ADAMTS12: variants seen among roughly 807,000 people sequenced by gnomAD.
ADAMTS12 encodes the protein A disintegrin and metalloproteinase with thrombospondin motifs 12.
ADAMTS12 carries 118 observed loss-of-function variants against 167.8 expected under a neutral mutation model. That is an observed-to-expected ratio of 0.70 (90% CI 0.61 to 0.82). The LOEUF is 0.82. Among genes scored for constraint, ADAMTS12 ranks in the 40% least tolerant of loss-of-function variants. The pLI is 0.00. For synonymous variants in ADAMTS12, 704 were observed against 716.9 expected, an observed-to-expected ratio of 0.98 and a Z score of 0.29; for missense variants, 1,916 against 1,998.8, an observed-to-expected ratio of 0.96 and a Z score of 0.79.
At chr5:33,578,661 C>T (rs930185958) in intron 18 of ADAMTS12, among the ~76,000 whole-genome samples, 1 of 152,210 alleles carries the variant, frequency 6.6e-6, no homozygotes, top group African/African-American at 2.4e-5. Flanking sequence ...TCCTTGCCTT[C>T]TCAAGTTCTA....
At chr5:33,629,492 G>C (rs147856191) in intron 13 of ADAMTS12, among the ~76,000 whole-genome samples, 1 of 152,232 alleles carries the variant, frequency 6.6e-6, no homozygotes, top group African/African-American at 2.4e-5. Flanking sequence ...AATCAAAATG[G>C]AGCAACTAAT....
intron 2 of ADAMTS12, among the ~76,000 whole-genome samples, chr5:33,834,305 A>G (rs777607634): frequency 1.3e-4 from 20 of 152,160 alleles, no homozygotes; most frequent in Non-Finnish European, 2.8e-4. Context: ...CCCAATATAC[A>G]AGAGTGTTTT....
chr5:33,683,846 T>C lies in ADAMTS12; in HGVS notation c.831+13A>G. 3 of 1,467,120 alleles carry C rather than the reference T, an allele frequency of 2.0e-6. No individual in the cohort carries two copies. The highest frequency in any genetic ancestry group is 2.7e-6 in the Non-Finnish European group (3 of 1,100,454). The allele number at this position is 1,467,120 out of a possible 1,614,324, so 90.9% of individuals were successfully genotyped here. On this transcript the variant is annotated intron_variant, in intron 4 of 23. Coordinates refer to ENST00000504830, the MANE Select transcript of ADAMTS12 (RefSeq NM_030955.4). ...TTCACTAGCTGCCCCAGCCCCCATG[T>C]AGTCTGGCATACCATGTTCATGATG...
chr5:33,583,303 T>C (rs888816109), intron 18 of ADAMTS12, among the ~76,000 whole-genome samples: 6 of 152,216 alleles, frequency 3.9e-5, no homozygotes, highest in Non-Finnish European at 7.3e-5. Flanking sequence ...TTTATCCACG[T>C]TGTTGCAAAT....
rs1266515765 is a variant in ADAMTS12 at position 33,805,901 on chromosome 5, G to C, written c.490-54353C>G. On this transcript the variant is annotated intron_variant, in intron 2 of 23. Coordinates refer to ENST00000504830, the MANE Select transcript of ADAMTS12 (RefSeq NM_030955.4). ...AGATTTTGTCTCTGAAAAGAAAAGG[G>C]GGAAAAAAAAGCCACCTCTCATTTA... 2.1e-5 allele frequency among the ~76,000 whole-genome samples: 3 copies of C among 144,582 alleles called. No homozygotes were observed. The Admixed American group carries it at 2.1e-4, about 10-fold the overall frequency. The allele number at this position is 144,582 out of a possible 152,430, so 94.9% of individuals were successfully genotyped here.
Position 33,614,245 on chromosome 5 carries a change from G to T in ADAMTS12, c.2520C>A (p.Cys840Ter), listed in dbSNP as rs762596707. The T allele has an allele frequency of 6.2e-7, 1 of 1,613,496 alleles. No individual in the cohort carries two copies. The highest frequency in any genetic ancestry group is 8.5e-7 in the Non-Finnish European group (1 of 1,179,778). The change falls in exon 16 of 24, where the codon TGC becomes TGA. Residue 840 changes from cysteine to a stop codon, truncating the protein, a stop_gained. Coordinates refer to ENST00000504830, the MANE Select transcript of ADAMTS12 (RefSeq NM_030955.4). LOFTEE classifies it high-confidence loss of function. ...YGHWTECSVT[C>*]GTGIRRQTAH... Reference sequence around the variant, plus strand: ...AGAGCAGCTGTTTCTCACCTGTCCCGCAGGTCACACTGCACTCTGTCCAGT... The same window carrying T: ...AGAGCAGCTGTTTCTCACCTGTCCCTCAGGTCACACTGCACTCTGTCCAGT...
intron 2 of ADAMTS12, among the ~76,000 whole-genome samples, chr5:33,760,138 T>C (rs1745297571): frequency 6.6e-6 from 1 of 152,184 alleles, no homozygotes; most frequent in Non-Finnish European, 1.5e-5. Flanking sequence ...ACTGCATTCT[T>C]CCATCATGTG....
intron 2 of ADAMTS12, among the ~76,000 whole-genome samples, chr5:33,847,479 C>T (rs546034680): frequency 1.3e-5 from 2 of 152,088 alleles, no homozygotes; most frequent in South Asian, 2.1e-4. Flanking sequence ...AAAAATTAGC[C>T]GGGCAAGGTG....
intron 2 of ADAMTS12, among the ~76,000 whole-genome samples, chr5:33,864,012 C>T (rs1248351189): frequency 1.3e-5 from 2 of 152,138 alleles, no homozygotes; most frequent in Non-Finnish European, 2.9e-5. Context: ...ATGCAGAAAA[C>T]TGAAACTGGA....
chr5:33,631,923 G>A (rs575919789), intron 12 of ADAMTS12, among the ~76,000 whole-genome samples: 5 of 152,222 alleles, frequency 3.3e-5, no homozygotes, highest in East Asian at 1.9e-4. Context: ...TTCGTCATGG[G>A]CCCTTCTCAC....
intron 14 of ADAMTS12, among the ~76,000 whole-genome samples, chr5:33,619,154 C>T (rs958116737): frequency 6.6e-6 from 1 of 152,158 alleles, no homozygotes; most frequent in Non-Finnish European, 1.5e-5. Context: ...TACTTCCTGA[C>T]TTTATGGACA....
chr5:33,673,295 A>T (rs891505180), intron 5 of ADAMTS12, among the ~76,000 whole-genome samples: 11 of 152,090 alleles, frequency 7.2e-5, no homozygotes, highest in African/African-American at 2.7e-4. Flanking sequence ...TCTGTATTTC[A>T]TTCCAAATCT....
At chr5:33,612,956 T>TG (rs971045738) in intron 16 of ADAMTS12, among the ~76,000 whole-genome samples, 1 of 152,148 alleles carries the variant, frequency 6.6e-6, no homozygotes. Flanking sequence ...TGTGCTGAAA[T>TG]GGGGAAAGAA....
intron 19 of ADAMTS12, among the ~76,000 whole-genome samples, chr5:33,572,755 T>C (rs1368676002): frequency 4.1e-5 from 6 of 147,952 alleles, no homozygotes; most frequent in Non-Finnish European, 8.9e-5. Flanking sequence ...CCAGGGCAAT[T>C]AGGCAGGAGA....
chr5:33,558,352 T>A (rs1055259502), intron 20 of ADAMTS12, among the ~76,000 whole-genome samples: 12 of 152,334 alleles, frequency 7.9e-5, no homozygotes, highest in Admixed American at 3.9e-4. Context: ...ACACTTTCTT[T>A]ACTGGTAGGA....
At chr5:33,615,753 G>T in intron 15 of ADAMTS12, 75 bp downstream of exon 15, 1 of 1,576,292 alleles carries the variant, frequency 6.3e-7, no homozygotes, top group Non-Finnish European at 8.6e-7. Flanking sequence ...ATGTCCCCTA[G>T]CAAGTACCTT....
intron 2 of ADAMTS12, among the ~76,000 whole-genome samples, chr5:33,787,787 C>T (rs1427009718): frequency 1.3e-5 from 2 of 152,214 alleles, no homozygotes; most frequent in Non-Finnish European, 2.9e-5. Context: ...AGAACAGTTT[C>T]CCATACAGAA....
intron 3 of ADAMTS12, among the ~76,000 whole-genome samples, chr5:33,684,272 T>TGCCACTGCAC (rs1387069826): frequency 6.6e-6 from 1 of 152,144 alleles, no homozygotes; most frequent in Admixed American, 6.5e-5. Flanking sequence ...TATAAAAATG[T>TGCCACTGCAC]TTCTTACCTA....
At chr5:33,806,558 T>C (rs1232221477) in intron 2 of ADAMTS12, among the ~76,000 whole-genome samples, 1 of 152,200 alleles carries the variant, frequency 6.6e-6, no homozygotes, top group Admixed American at 6.5e-5. Flanking sequence ...GGTCCAGTGA[T>C]GGAGCTGATG....
Sources: allele counts gnomAD v4.1 joint callset (sites outside exome capture counted in the v4.1 genomes callset), GRCh38; gene constraint gnomAD v4.1.1; transcripts MANE v1.5; gene names NCBI Gene and HGNC (gene_info 2026-07-23, HGNC 2026-07-21).